The following ZMIZ1 variants were observed in gnomAD, a reference collection of about 807,000 sequenced individuals.
ZMIZ1 encodes the protein zinc finger MIZ domain-containing protein 1.
Under a neutral mutation model 113.9 loss-of-function variants are expected in ZMIZ1, and 17 were observed. That is an observed-to-expected ratio of 0.15 (90% CI 0.10 to 0.22). The LOEUF (loss-of-function observed/expected upper bound fraction) is 0.22. ZMIZ1 is among the 10% of genes least tolerant of loss of function. The pLI is 1.00. For missense variants in ZMIZ1, 1,059 were observed against 1,477.8 expected, an observed-to-expected ratio of 0.72 and a Z score of 4.65; for synonymous variants, 607 against 603.1, an observed-to-expected ratio of 1.01 and a Z score of -0.09.
intron 7 of ZMIZ1, among the ~76,000 whole-genome samples, chr10:79,264,795 G>A (rs776167662): frequency 1.3e-5 from 2 of 152,242 alleles, no homozygotes; most frequent in Admixed American, 6.5e-5. Flanking sequence ...TGCATGGTAG[G>A]ACTAAGGGGG....
In ZMIZ1 at chr10:79,201,567, C is replaced by A; in HGVS notation, c.-49-17C>A. 1.3e-6 allele frequency: 2 copies of A among 1,589,982 alleles called. No individual in the cohort carries two copies. The highest frequency in any genetic ancestry group is 1.1e-5 in the South Asian group (1 of 89,464). ...GCCTGGCGTGATCCAGTGACAACCTCTCCTTTCTCTTCGCAGGCTGGACAA... is the reference window on the plus strand; with the variant it reads ...GCCTGGCGTGATCCAGTGACAACCTATCCTTTCTCTTCGCAGGCTGGACAA... On this transcript the variant is annotated splice_polypyrimidine_tract_variant and intron_variant, in intron 4 of 24. Coordinates refer to ENST00000334512, the MANE Select transcript of ZMIZ1 (RefSeq NM_020338.4).
chr10:79,196,253 G>C (rs1409449959), intron 4 of ZMIZ1, among the ~76,000 whole-genome samples: 1 of 152,190 alleles, frequency 6.6e-6, no homozygotes. Context: ...TGTCCCTGTG[G>C]TCTGCGATGT....
chr10:79,178,876 G>T (rs74876819), intron 4 of ZMIZ1, among the ~76,000 whole-genome samples: 1 of 152,138 alleles, frequency 6.6e-6, no homozygotes, highest in Non-Finnish European at 1.5e-5. Flanking sequence ...ACCATGGGCC[G>T]TGGATCTCCC....
intron 24 of ZMIZ1, 94 bp from the exon 25 acceptor site, chr10:79,312,547 TG>T: frequency 7.5e-7 from 1 of 1,329,378 alleles, no homozygotes; most frequent in Non-Finnish European, 1.1e-6. Context: ...GAGAGGCAGG[TG>T]GAGGGGGACG....
At chr10:79,124,555 G>A (rs1218507224) in intron 2 of ZMIZ1, among the ~76,000 whole-genome samples, 1 of 152,196 alleles carries the variant, frequency 6.6e-6, no homozygotes, top group Non-Finnish European at 1.5e-5. Context: ...ACCGTGCTAG[G>A]CCCTGGTATC....
At chr10:79,270,752 C>T (rs757840547) in intron 7 of ZMIZ1, among the ~76,000 whole-genome samples, 6 of 152,150 alleles carry the variant, frequency 3.9e-5, no homozygotes, top group Non-Finnish European at 7.3e-5. Context: ...TGCTTCCCTG[C>T]GGATGTGGCA....
chr10:79,290,061 C>A (rs992408708), intron 9 of ZMIZ1, among the ~76,000 whole-genome samples, 172 bp downstream of exon 9: 1 of 152,244 alleles, frequency 6.6e-6, no homozygotes, highest in South Asian at 2.1e-4. Flanking sequence ...GCTCTGCACC[C>A]GCCTCAGGAG....
At chr10:79,169,244 C>T (rs778137673) in intron 4 of ZMIZ1, among the ~76,000 whole-genome samples, 2 of 152,222 alleles carry the variant, frequency 1.3e-5, no homozygotes, top group Admixed American at 6.5e-5. Flanking sequence ...CCAGACTTCC[C>T]GTCACAACCC....
chr10:79,089,866 C>T (rs767339163), intron 1 of ZMIZ1, among the ~76,000 whole-genome samples: 12 of 152,084 alleles, frequency 7.9e-5, no homozygotes, highest in South Asian at 4.2e-4. Flanking sequence ...TCCTGGCTTT[C>T]GGAAGGGAGG....
At chr10:79,187,093 C>T (rs917714719) in intron 4 of ZMIZ1, among the ~76,000 whole-genome samples, 1 of 152,218 alleles carries the variant, frequency 6.6e-6, no homozygotes, top group Non-Finnish European at 1.5e-5. Context: ...TTTTAGGCTT[C>T]TGGAAATCAG....
chr10:79,277,778 G>A (rs964030756), intron 8 of ZMIZ1, among the ~76,000 whole-genome samples: 1 of 152,236 alleles, frequency 6.6e-6, no homozygotes, highest in Admixed American at 6.5e-5. Context: ...TCACAGGCAG[G>A]CATGGGCTTG....
intron 1 of ZMIZ1, among the ~76,000 whole-genome samples, chr10:79,105,945 T>G (rs994573621): frequency 6.6e-6 from 1 of 152,182 alleles, no homozygotes; most frequent in Admixed American, 6.5e-5. Context: ...GTAGAAGGAA[T>G]GAGTGGGGAG....
At chr10:79,259,231 G>A (rs934313003) in intron 7 of ZMIZ1, among the ~76,000 whole-genome samples, 3 of 152,176 alleles carry the variant, frequency 2.0e-5, no homozygotes, top group Non-Finnish European at 2.9e-5. Context: ...TCTGCGTGGG[G>A]CAGGGAAGGG....
At chr10:79,078,868 A>G (rs1240628450) in intron 1 of ZMIZ1, among the ~76,000 whole-genome samples, 8 of 151,852 alleles carry the variant, frequency 5.3e-5, no homozygotes, top group African/African-American at 1.7e-4. Context: ...TTTTAATGCA[A>G]AATAACTATG....
At chr10:79,142,881 C>T (rs1433531111) in intron 3 of ZMIZ1, among the ~76,000 whole-genome samples, 1 of 152,188 alleles carries the variant, frequency 6.6e-6, no homozygotes, top group Non-Finnish European at 1.5e-5. Flanking sequence ...GAAGAGGCAC[C>T]GAGCAGCTCC....
At chr10:79,228,879 C>T (rs1435249450) in intron 7 of ZMIZ1, among the ~76,000 whole-genome samples, 1 of 152,198 alleles carries the variant, frequency 6.6e-6, no homozygotes, top group African/African-American at 2.4e-5. Flanking sequence ...AGCTTCCATG[C>T]TATATGTATC....
intron 2 of ZMIZ1, among the ~76,000 whole-genome samples, chr10:79,126,995 G>A (rs948779480): frequency 1.3e-5 from 2 of 152,216 alleles, no homozygotes; most frequent in African/African-American, 4.8e-5. Context: ...GGTCCCTGGG[G>A]CAGCCCCCAC....
intron 3 of ZMIZ1, among the ~76,000 whole-genome samples, chr10:79,161,185 C>T (rs532192344): frequency 1.3e-5 from 2 of 152,326 alleles, no homozygotes; most frequent in African/African-American, 4.8e-5. Flanking sequence ...ATCTCTGCCC[C>T]GAGCACCACT....
intron 4 of ZMIZ1, among the ~76,000 whole-genome samples, chr10:79,186,146 C>T (rs59853501): frequency 0.046 from 7,037 of 152,214 alleles, 561 homozygotes; most frequent in African/African-American, 0.16. Context: ...CCACCACCCA[C>T]GCCCTTTGGG....
Sources: gnomAD v4.1 joint callset for allele counts (sites outside exome capture counted in the v4.1 genomes callset) on GRCh38, gnomAD v4.1.1 for gene constraint, MANE v1.5 for transcripts, NCBI Gene and HGNC (gene_info 2026-07-23, HGNC 2026-07-21) for gene names.